The following NFX1 variants were observed in gnomAD, a reference collection of about 807,000 sequenced individuals.
NFX1 encodes transcriptional repressor NF-X1.
A neutral mutation model predicts 137.2 loss-of-function variants in NFX1; 69 were observed. The ratio of observed to expected loss-of-function variants is 0.50; its 90% CI spans 0.41 to 0.61. NFX1 has a LOEUF of 0.61. NFX1 is among the 20% of genes least tolerant of loss of function. The pLI is 0.00. For synonymous variants in NFX1, 495 were observed against 474.1 expected (o/e 1.04, Z -0.57); for missense variants, 1,167 against 1,391.0 (o/e 0.84, Z 2.56).
chr9:33,311,005 A>G (rs1821940503), intron 5 of NFX1, 101 bp from the exon 6 acceptor site: 1 of 911,536 alleles, frequency 1.1e-6, no homozygotes, highest in Non-Finnish European at 1.8e-6. Context: ...GTCATAGTAG[A>G]TGTATTTGTT....
At position 33,295,121 on chromosome 9, in the gene NFX1, CA is replaced by C; in HGVS notation, c.728del (p.Gln243ArgfsTer82). On this transcript the variant is annotated frameshift_variant, in exon 2 of 24. Coordinates refer to ENST00000379540, the MANE Select transcript of NFX1 (RefSeq NM_002504.6). LOFTEE classifies it high-confidence loss of function. ...ACGAAATGAGCAGAGAAGATACCCA[CA>C]GAAAAGGCCTCCCTGGGAAGTGGAG... Reference protein sequence around the residue: ...ARRNEQRRYPQKRPPWEVEGA... With the variant: ...ARRNEQRRYPXKRPPWEVEGA... 1 of 1,614,108 alleles carries C rather than the reference CA, an allele frequency of 6.2e-7. No individual in the cohort carries two copies. Among genetic ancestry groups the C allele is most frequent in the Non-Finnish European group, 8.5e-7 (1 of 1,180,016 alleles).
Position 33,366,749 on chromosome 9 carries a change from C to G in NFX1, c.3160C>G (p.Arg1054Gly), listed in dbSNP as rs372928232. 5.6e-6 allele frequency: 9 copies of G among 1,614,134 alleles called. No homozygotes were observed. Among genetic ancestry groups the G allele is most frequent in the Admixed American group, 5.0e-5 (3 of 60,012 alleles). ...CGTGAGCTATGACAGTGAACCGAAG[C>G]GCAATGTGGTGGTCACTGCCATCAG... Reference protein sequence around the residue: ...ESVSYDSEPKRNVVVTAIRGK... With the variant: ...ESVSYDSEPKGNVVVTAIRGK... The change falls in exon 22 of 24, where the codon CGC becomes GGC. Residue 1054 changes from arginine to glycine, a missense_variant. Physicochemically the swap from Arg to Gly is moderately radical, Grantham distance 125. Around this residue, in one of 3 missense-constraint regions of NFX1, gnomAD observed 312 missense variants for 312.8 expected, o/e 1.00. Transcript: ENST00000379540.
At chr9:33,304,733 A>C (rs762022938) in intron 4 of NFX1, among the ~76,000 whole-genome samples, 3 of 152,232 alleles carry the variant, frequency 2.0e-5, no homozygotes, top group Non-Finnish European at 2.9e-5. Flanking sequence ...TCTCAGCCTT[A>C]ATAGATACTA....
chr9:33,357,175 A>C (rs1210376408), intron 19 of NFX1, among the ~76,000 whole-genome samples: 1 of 151,916 alleles, frequency 6.6e-6, no homozygotes, highest in East Asian at 1.9e-4. Flanking sequence ...GGTGGCGGGC[A>C]CTTGTAGTCC....
At position 33,347,011 on chromosome 9, in the gene NFX1, C is replaced by T. The variant is rs767298535; in HGVS notation, c.2345-27C>T. 1.9e-6 allele frequency: 3 copies of T among 1,570,358 alleles called. No homozygotes were observed. The African/African-American group carries it at 4.1e-5, about 21-fold the overall frequency. ...TACATGGCTTTATTTAGAAAGTATT[C>T]CTAAAGTTACCTTTCTCTTTCTGCA... On this transcript the variant is annotated intron_variant, in intron 14 of 23. Transcript: ENST00000379540.
At chr9:33,344,641 G>A (rs1823347036) in intron 14 of NFX1, among the ~76,000 whole-genome samples, 1 of 150,352 alleles carries the variant, frequency 6.7e-6, no homozygotes, top group Admixed American at 6.6e-5. Context: ...GCAAGGAGGG[G>A]CAGATCATGA....
At position 33,295,402 on chromosome 9, in the gene NFX1, G is replaced by A; in HGVS notation, c.1008G>A (p.Val336=). ...SPFSRGKQNH[V]LKNVETHTGS... Reference sequence around the variant, plus strand: ...TCTCCCGAGGCAAACAGAACCATGTGCTAAAGAATGTGGAAACGCACACAG... The same window carrying A: ...TCTCCCGAGGCAAACAGAACCATGTACTAAAGAATGTGGAAACGCACACAG... The change falls in exon 2 of 24, where the codon GTG becomes GTA. Residue 336 remains valine, a synonymous_variant. Transcript: ENST00000379540. The A allele has an allele frequency of 6.2e-7, 1 of 1,612,932 alleles. No homozygotes were observed. The highest frequency in any genetic ancestry group is 1.7e-5 in the Admixed American group (1 of 60,012).
chr9:33,334,336 AGTCC>A (rs1363869271), intron 11 of NFX1, among the ~76,000 whole-genome samples: 1 of 152,184 alleles, frequency 6.6e-6, no homozygotes, highest in East Asian at 1.9e-4. Context: ...ATGTGCCCAT[AGTCC>A]TAGATACTCG....
intron 15 of NFX1, chr9:33,348,784 C>A (rs1823528148): frequency 1.0e-6 from 1 of 984,892 alleles, no homozygotes; most frequent in Non-Finnish European, 1.2e-6. Flanking sequence ...AAGAAATACT[C>A]TACCATTCTG....
chr9:33,293,202 G>T (rs759309570), intron 1 of NFX1, among the ~76,000 whole-genome samples: 2 of 152,236 alleles, frequency 1.3e-5, no homozygotes, highest in African/African-American at 4.8e-5. Flanking sequence ...CCTTGGGCAA[G>T]TTCCTACTCT....
At chr9:33,330,865 TA>T (rs374510461) in intron 10 of NFX1, among the ~76,000 whole-genome samples, 6 of 148,516 alleles carry the variant, frequency 4.0e-5, no homozygotes, top group South Asian at 2.2e-4. Context: ...TTTGACAAAG[TA>T]AAAAAAAAAC....
chr9:33,331,694 C>CTTTTTTTTTTTTTTTTTTTTTTTTTTT (rs35980358), intron 10 of NFX1, among the ~76,000 whole-genome samples: 1 of 132,780 alleles, frequency 7.5e-6, no homozygotes, highest in Non-Finnish European at 1.6e-5. Flanking sequence ...TCAGTAGCTG[C>CTTTTTTTTTTTTTTTTTTTTTTTTTTT]TTTTTTTTTT....
At chr9:33,336,490 A>G (rs758458758) in intron 11 of NFX1, among the ~76,000 whole-genome samples, 2 of 152,228 alleles carry the variant, frequency 1.3e-5, no homozygotes, top group South Asian at 2.1e-4. Context: ...CTGGGATTAC[A>G]GGCGTGAGCC....
Position 33,313,678 on chromosome 9 carries a change from T to C in NFX1, c.1473T>C (p.Ala491=). 6.2e-7 allele frequency: 1 copy of C among 1,614,220 alleles called. No individual in the cohort carries two copies. Among genetic ancestry groups the C allele is most frequent in the Non-Finnish European group, 8.5e-7 (1 of 1,180,022 alleles). Residue 491 remains alanine, a synonymous_variant, in exon 7 of 24, where the codon GCT becomes GCC. Coordinates refer to ENST00000379540, the MANE Select transcript of NFX1 (RefSeq NM_002504.6). ...RTRHTVRCGQ[A]VSVHCSNPCE... Reference sequence around the variant, plus strand: ...GGCACACAGTTCGCTGTGGTCAGGCTGTCTCAGTCCACTGTTCTAACCCAT... The same window carrying C: ...GGCACACAGTTCGCTGTGGTCAGGCCGTCTCAGTCCACTGTTCTAACCCAT...
intron 19 of NFX1, among the ~76,000 whole-genome samples, chr9:33,361,490 A>C (rs990674987): frequency 1.3e-5 from 2 of 152,054 alleles, no homozygotes; most frequent in Non-Finnish European, 2.9e-5. Flanking sequence ...TTATAGAGAA[A>C]GGCTGGGCGC....
chr9:33,292,500 C>G (rs556889006), intron 1 of NFX1, among the ~76,000 whole-genome samples: 1 of 152,344 alleles, frequency 6.6e-6, no homozygotes, highest in African/African-American at 2.4e-5. Flanking sequence ...TAGGGTACCA[C>G]TTGTATTCTA....
Position 33,366,748 on chromosome 9 carries a change from G to A in NFX1, c.3159G>A (p.Lys1053=). ...LESVSYDSEP[K]RNVVVTAIRG... is the part of the protein sequence containing the mutation. ...GCGTGAGCTATGACAGTGAACCGAA[G>A]CGCAATGTGGTGGTCACTGCCATCA... The change falls in exon 22 of 24, where the codon AAG becomes AAA. Residue 1053 remains lysine (K), a synonymous_variant. Transcript: ENST00000379540. 3 of 1,614,190 alleles carry A rather than the reference G, an allele frequency of 1.9e-6. No homozygotes were observed. Among genetic ancestry groups the A allele is most frequent in the South Asian group, 1.1e-5 (1 of 91,080 alleles).
chr9:33,325,663 CAAAAAAAGAAAAAG>C (rs896452422), intron 9 of NFX1, among the ~76,000 whole-genome samples: 22 of 151,110 alleles, frequency 1.5e-4, no homozygotes, highest in African/African-American at 4.9e-5. Context: ...GACTCTGTCT[CAAAAAAAGAAAAAG>C]AAAAAAAGAA....
chr9:33,305,553 T>C (rs1176382799), intron 4 of NFX1, among the ~76,000 whole-genome samples: 2 of 152,196 alleles, frequency 1.3e-5, no homozygotes, highest in Non-Finnish European at 2.9e-5. Flanking sequence ...CATGATTCTT[T>C]ATGGAGATTA....
Sources: allele counts gnomAD v4.1 joint callset (sites outside exome capture counted in the v4.1 genomes callset), GRCh38; gene constraint gnomAD v4.1.1; regional missense constraint gnomAD v4.1.1; transcripts MANE v1.5; gene names NCBI Gene and HGNC (gene_info 2026-07-23, HGNC 2026-07-21).